Variants in ASIC2 observed in about 807,000 individuals in gnomAD.
ASIC2 encodes the protein acid-sensing ion channel 2.
A neutral mutation model predicts 57.3 loss-of-function variants in ASIC2; 25 were observed. The observed-to-expected ratio is 0.44, with a 90% CI of 0.32 to 0.61. The LOEUF is 0.61. ASIC2 is among the 20% of genes least tolerant of loss of function. The pLI is 0.06. For missense variants in ASIC2, 641 were observed against 738.1 expected (o/e 0.87, Z 1.52); for synonymous variants, 319 against 307.5 (o/e 1.04, Z -0.39).
intron 1 of ASIC2, among the ~76,000 whole-genome samples, chr17:33,373,017 T>C (rs1909139461): frequency 6.6e-6 from 1 of 152,182 alleles, no homozygotes; most frequent in African/African-American, 2.4e-5. Flanking sequence ...GGGGTTCTGA[T>C]GCTTTGGGCA....
At chr17:33,736,603 G>GT (rs575933875) in intron 1 of ASIC2, among the ~76,000 whole-genome samples, 7 of 151,924 alleles carry the variant, frequency 4.6e-5, no homozygotes, top group East Asian at 1.9e-4. Flanking sequence ...TTTGTTTTAA[G>GT]TTTTTTTTCA....
At chr17:33,400,451 G>A (rs1252122189) in intron 1 of ASIC2, among the ~76,000 whole-genome samples, 1 of 152,176 alleles carries the variant, frequency 6.6e-6, no homozygotes, top group African/African-American at 2.4e-5. Flanking sequence ...AGAGAAATGT[G>A]GAGGGTGAAT....
intron 1 of ASIC2, among the ~76,000 whole-genome samples, chr17:33,525,867 C>T (rs996262586): frequency 1.3e-5 from 2 of 152,236 alleles, no homozygotes; most frequent in Admixed American, 6.5e-5. Context: ...CCAGACCCCA[C>T]TAGTCATCAG....
At chr17:33,708,157 C>T (rs1276472898) in intron 1 of ASIC2, among the ~76,000 whole-genome samples, 1 of 152,188 alleles carries the variant, frequency 6.6e-6, no homozygotes, top group Non-Finnish European at 1.5e-5. Flanking sequence ...TATGGAGTTT[C>T]AACCAATTCT....
chr17:33,410,308 A>C (rs1487946248), intron 1 of ASIC2, among the ~76,000 whole-genome samples: 1 of 152,122 alleles, frequency 6.6e-6, no homozygotes. Context: ...TGAATTGGAC[A>C]CCCTCTTATA....
intron 1 of ASIC2, among the ~76,000 whole-genome samples, chr17:33,839,375 T>C (rs1003181518): frequency 3.9e-5 from 6 of 152,040 alleles, no homozygotes; most frequent in African/African-American, 1.4e-4. Context: ...ACACCCAGAG[T>C]CCCACAGTTC....
At chr17:33,503,294 T>G (rs999794725) in intron 1 of ASIC2, among the ~76,000 whole-genome samples, 1 of 152,218 alleles carries the variant, frequency 6.6e-6, no homozygotes, top group Non-Finnish European at 1.5e-5. Flanking sequence ...CTACTTTCTC[T>G]ATTTAATACC....
At chr17:34,038,439 C>T in intron 1 of ASIC2, 1 of 1,612,334 alleles carries the variant, frequency 6.2e-7, no homozygotes, top group Non-Finnish European at 8.5e-7. Flanking sequence ...TTTTTCTCAT[C>T]TCTCCAGTTT....
intron 1 of ASIC2, among the ~76,000 whole-genome samples, chr17:33,457,845 C>G (rs1555535619): frequency 6.6e-6 from 1 of 152,206 alleles, no homozygotes; most frequent in Non-Finnish European, 1.5e-5. Flanking sequence ...GAGAGTTAAG[C>G]AATTTGCTCA....
chr17:34,065,631 G>A (rs1464153736), intron 1 of ASIC2, among the ~76,000 whole-genome samples: 1 of 152,142 alleles, frequency 6.6e-6, no homozygotes, highest in African/African-American at 2.4e-5. Flanking sequence ...GTTATTACAG[G>A]CTGCTTTCTG....
At chr17:33,720,156 A>G (rs1375647050) in intron 1 of ASIC2, among the ~76,000 whole-genome samples, 1 of 152,226 alleles carries the variant, frequency 6.6e-6, no homozygotes, top group Non-Finnish European at 1.5e-5. Flanking sequence ...TTAGAATTAT[A>G]GGTGTGAGCC....
chr17:33,550,880 A>G (rs1366588908), intron 1 of ASIC2, among the ~76,000 whole-genome samples: 2 of 152,272 alleles, frequency 1.3e-5, no homozygotes, highest in East Asian at 3.9e-4. Context: ...AGGAGACTAC[A>G]TTTTAGGTAG....
At chr17:33,282,137 T>A (rs1904976322) in intron 1 of ASIC2, among the ~76,000 whole-genome samples, 1 of 152,252 alleles carries the variant, frequency 6.6e-6, no homozygotes, top group South Asian at 2.1e-4. Context: ...GAAAGTGTTT[T>A]GTACATCAGA....
chr17:33,624,111 A>T (rs547008824), intron 1 of ASIC2: 1 of 152,374 alleles, frequency 6.6e-6, no homozygotes, highest in African/African-American at 2.4e-5. Context: ...CTTTTTGGAA[A>T]GTCACCATGA....
intron 1 of ASIC2, among the ~76,000 whole-genome samples, chr17:34,045,826 T>A (rs1054367436): frequency 1.3e-5 from 2 of 152,204 alleles, no homozygotes; most frequent in Non-Finnish European, 2.9e-5. Flanking sequence ...TAACCCTGTA[T>A]ACAGACACCA....
intron 1 of ASIC2, chr17:34,155,682 G>T: frequency 2.5e-6 from 1 of 405,484 alleles, no homozygotes; most frequent in Non-Finnish European, 4.5e-6. Flanking sequence ...GACAGCCCAG[G>T]CCTCCTCCCT....
chr17:33,612,464 T>C (rs1284305619), intron 1 of ASIC2, among the ~76,000 whole-genome samples: 3 of 152,078 alleles, frequency 2.0e-5, no homozygotes, highest in East Asian at 1.9e-4. Flanking sequence ...CAAGGATTCT[T>C]TTCATGCTCT....
At chr17:33,607,303 G>A (rs776384910) in intron 1 of ASIC2, among the ~76,000 whole-genome samples, 18 of 152,048 alleles carry the variant, frequency 1.2e-4, no homozygotes, top group Admixed American at 4.6e-4. Flanking sequence ...TGAATAAATC[G>A]GGAAGAAACA....
chr17:33,834,424 G>T (rs1249483732), intron 1 of ASIC2: 1 of 152,168 alleles, frequency 6.6e-6, no homozygotes, highest in African/African-American at 2.4e-5. Flanking sequence ...TAACGTCCAG[G>T]CCCAGCTGTT....
Sources: allele counts gnomAD v4.1 joint callset (sites outside exome capture counted in the v4.1 genomes callset), GRCh38; gene constraint gnomAD v4.1.1; transcripts MANE v1.5; gene names NCBI Gene and HGNC (gene_info 2026-07-23, HGNC 2026-07-21).